TMTC2: variants seen among roughly 807,000 people sequenced by gnomAD.
TMTC2 encodes the protein transmembrane O-mannosyltransferase targeting cadherins 2.
Under a neutral mutation model 82.4 loss-of-function variants are expected in TMTC2, and 43 were observed. The observed-to-expected ratio is 0.52, with a 90% CI of 0.41 to 0.67. The LOEUF is 0.67. Ranked by LOEUF, TMTC2 falls within the 30% of genes least tolerant of loss-of-function variation. The probability of loss-of-function intolerance (pLI) is 0.00; values close to 1 mark genes in which losing one functional copy is unlikely to be tolerated. For synonymous variants in TMTC2, 408 were observed against 381.9 expected, an observed-to-expected ratio of 1.07 and a Z score of -0.80; for missense variants, 919 against 1,012.4, an observed-to-expected ratio of 0.91 and a Z score of 1.25.
chr12:82,799,987 T>TA lies in TMTC2; in HGVS notation c.84-57014dup, dbSNP rs372987378. Among the ~76,000 whole-genome samples the TA allele has an allele frequency of 1.5e-3, 231 of 150,836 alleles. 1 individual carries two copies. The highest frequency in any genetic ancestry group is 4.8e-3 in the African/African-American group (196 of 41,196). On this transcript the variant is annotated intron_variant, in intron 1 of 11. Coordinates refer to ENST00000321196, the MANE Select transcript of TMTC2 (RefSeq NM_152588.3). ...GACTACATCAGATTACATAGTATAATAAAAAAAAAGTAAAGAGATATAAAC... is the reference window on the plus strand; with the variant it reads ...GACTACATCAGATTACATAGTATAATAAAAAAAAAAGTAAAGAGATATAAAC...
rs201278967 is a variant in TMTC2, at chr12:82,989,514, T to TA, written c.2070+3477dup. Among the ~76,000 whole-genome samples, 88 of 150,500 alleles carry TA rather than the reference T, an allele frequency of 5.8e-4. 2 individuals are homozygous for TA. The South Asian group carries it at 0.011, about 19-fold the overall frequency. On this transcript the variant is annotated intron_variant, in intron 8 of 11. Coordinates refer to ENST00000321196, the MANE Select transcript of TMTC2 (RefSeq NM_152588.3). ...AGCTAGATTGATAAATGGCCACCTT[T>TA]AAAAAAAAATCTAAAAGTTTCAGAT...
intron 8 of TMTC2, among the ~76,000 whole-genome samples, chr12:83,011,466 A>T (rs1374439195): frequency 2.6e-5 from 4 of 152,228 alleles, no homozygotes; most frequent in African/African-American, 9.7e-5. Flanking sequence ...ATAGTCGTTA[A>T]CCATTAGCAG....
At chr12:82,967,634 G>T (rs1228913775) in intron 7 of TMTC2, among the ~76,000 whole-genome samples, 1 of 151,878 alleles carries the variant, frequency 6.6e-6, no homozygotes, top group East Asian at 1.9e-4. Context: ...GTTTGATGAT[G>T]GTTACCCCTG....
At chr12:83,000,564 C>T (rs867710497) in intron 8 of TMTC2, among the ~76,000 whole-genome samples, 1 of 152,174 alleles carries the variant, frequency 6.6e-6, no homozygotes, top group Non-Finnish European at 1.5e-5. Flanking sequence ...AGGGTATAGC[C>T]CTCCTCTTGG....
chr12:83,016,929 C>T (rs747825532), intron 8 of TMTC2, among the ~76,000 whole-genome samples: 12 of 152,090 alleles, frequency 7.9e-5, no homozygotes, highest in African/African-American at 2.4e-4. Flanking sequence ...CTTAGAATAG[C>T]GCCTGATGCA....
chr12:83,103,318 C>T (rs1884285899), intron 11 of TMTC2, among the ~76,000 whole-genome samples: 1 of 152,160 alleles, frequency 6.6e-6, no homozygotes, highest in South Asian at 2.1e-4. Flanking sequence ...GCTGGTCTTG[C>T]ATTGCTGCTA....
At chr12:82,799,237 G>A (rs1394767668) in intron 1 of TMTC2, among the ~76,000 whole-genome samples, 4 of 152,020 alleles carry the variant, frequency 2.6e-5, no homozygotes, top group Non-Finnish European at 5.9e-5. Context: ...AGATTGTTAC[G>A]GACTGAGGGT....
At chr12:83,077,736 A>G (rs1313560264) in intron 11 of TMTC2, among the ~76,000 whole-genome samples, 1 of 151,700 alleles carries the variant, frequency 6.6e-6, no homozygotes, top group African/African-American at 2.4e-5. Context: ...CACCACGCCC[A>G]GCTAATTTTT....
intron 7 of TMTC2, among the ~76,000 whole-genome samples, chr12:82,984,520 A>G (rs561184679): frequency 3.9e-5 from 6 of 152,250 alleles, no homozygotes; most frequent in South Asian, 4.1e-4. Flanking sequence ...AAAACTATAC[A>G]TCCAATGTGG....
At chr12:83,093,616 G>A (rs1163383049) in intron 11 of TMTC2, among the ~76,000 whole-genome samples, 1 of 152,204 alleles carries the variant, frequency 6.6e-6, no homozygotes, top group Non-Finnish European at 1.5e-5. Context: ...TGCTGAATCT[G>A]TACAGGGGAA....
intron 3 of TMTC2, among the ~76,000 whole-genome samples, chr12:82,930,085 G>A (rs1017981688): frequency 6.6e-6 from 1 of 151,890 alleles, no homozygotes; most frequent in African/African-American, 2.4e-5. Flanking sequence ...GCAGTTTCTG[G>A]CCCAGTAAGT....
chr12:82,923,319 C>T (rs917988160), intron 3 of TMTC2, among the ~76,000 whole-genome samples: 1 of 152,212 alleles, frequency 6.6e-6, no homozygotes, highest in South Asian at 2.1e-4. Flanking sequence ...TGTCCTTTGC[C>T]TATTTTTCCT....
intron 7 of TMTC2, among the ~76,000 whole-genome samples, chr12:82,984,584 T>A (rs141804587): frequency 1.5e-3 from 228 of 152,282 alleles, no homozygotes; most frequent in Middle Eastern, 6.8e-3. Flanking sequence ...AAAGCTGTCA[T>A]GATTATGATT....
At chr12:82,953,631 C>A (rs1877463661) in intron 4 of TMTC2, among the ~76,000 whole-genome samples, 1 of 152,078 alleles carries the variant, frequency 6.6e-6, no homozygotes, top group Non-Finnish European at 1.5e-5. Flanking sequence ...GCAAATGTGT[C>A]TGTGTAATCA....
rs115331040 is a variant in TMTC2 at position 82,985,860 on chromosome 12, C to A, written c.1949-65C>A. 3.1e-4 allele frequency: 482 copies of A among 1,558,692 alleles called. 1 individual carries two copies. The African/African-American group carries it at 6.0e-3, about 19-fold the overall frequency. Reference sequence around the variant, plus strand: ...CAGTATGATGATGATGATGATGATGCTGTTGCAAATAATGTGGAAAAGCTG... The same window carrying A: ...CAGTATGATGATGATGATGATGATGATGTTGCAAATAATGTGGAAAAGCTG... On this transcript the variant is annotated intron_variant, in intron 7 of 11. Coordinates refer to ENST00000321196, the MANE Select transcript of TMTC2 (RefSeq NM_152588.3).
chr12:82,826,556 A>G (rs1257958174), intron 1 of TMTC2, among the ~76,000 whole-genome samples: 2 of 152,232 alleles, frequency 1.3e-5, no homozygotes, highest in Non-Finnish European at 2.9e-5. Flanking sequence ...CTACTCACAT[A>G]AAAGGACTTG....
intron 4 of TMTC2, among the ~76,000 whole-genome samples, chr12:82,948,609 T>A (rs1011969270): frequency 1.3e-5 from 2 of 152,166 alleles, no homozygotes; most frequent in African/African-American, 4.8e-5. Context: ...CTTTTCCCCT[T>A]TCATAATTTA....
At chr12:82,864,765 T>C (rs756421429) in intron 2 of TMTC2, among the ~76,000 whole-genome samples, 4 of 151,616 alleles carry the variant, frequency 2.6e-5, no homozygotes, top group Non-Finnish European at 5.9e-5. Flanking sequence ...CCTCCCAACA[T>C]GCTGGGATTA....
At chr12:82,830,545 A>G (rs7299341) in intron 1 of TMTC2, among the ~76,000 whole-genome samples, 1 of 151,882 alleles carries the variant, frequency 6.6e-6, no homozygotes, top group South Asian at 2.1e-4. Context: ...TTTTTCTTAC[A>G]ATGACACCTT....
Sources: gnomAD v4.1 joint callset for allele counts (sites outside exome capture counted in the v4.1 genomes callset) on GRCh38, gnomAD v4.1.1 for gene constraint, MANE v1.5 for transcripts, NCBI Gene and HGNC (gene_info 2026-07-23, HGNC 2026-07-21) for gene names.